The following C10orf67 variants were observed in gnomAD, a reference collection of about 807,000 sequenced individuals.
C10orf67 encodes the protein uncharacterized protein C10orf67, mitochondrial.
In C10orf67, 60 loss-of-function variants were observed where a neutral mutation model predicts 35.6. The observed-to-expected ratio is 1.68, with a 90% CI of 1.37 to 2.09. The LOEUF (loss-of-function observed/expected upper bound fraction) is 2.09. C10orf67 is among the 30% of genes most tolerant of loss of function. C10orf67 has a pLI of 0.00. For missense variants in C10orf67, 474 were observed against 330.2 expected, an observed-to-expected ratio of 1.44 and a Z score of -3.38; for synonymous variants, 167 against 115.8, an observed-to-expected ratio of 1.44 and a Z score of -2.84.
At chr10:23,222,975 A>G (rs1461741749) in intron 15 of C10orf67, among the ~76,000 whole-genome samples, 1 of 152,108 alleles carries the variant, frequency 6.6e-6, no homozygotes, top group Non-Finnish European at 1.5e-5. Flanking sequence ...ATTAAGTTGG[A>G]AAAAAATAGG....
intron 13 of C10orf67, among the ~76,000 whole-genome samples, chr10:23,236,020 G>A (rs1158501657): frequency 2.0e-5 from 3 of 151,900 alleles, no homozygotes; most frequent in Admixed American, 6.6e-5. Context: ...AGGCCGAGGC[G>A]GGCGGATCAC....
intron 12 of C10orf67, among the ~76,000 whole-genome samples, chr10:23,241,990 G>A (rs1842193271): frequency 6.6e-6 from 1 of 150,854 alleles, no homozygotes; most frequent in African/African-American, 2.4e-5. Flanking sequence ...TACTCATTTT[G>A]AGATGGAGTC....
intron 5 of C10orf67, among the ~76,000 whole-genome samples, chr10:23,295,932 A>G (rs1843867475): frequency 6.6e-6 from 1 of 152,240 alleles, no homozygotes; most frequent in African/African-American, 2.4e-5. Context: ...CTAATAGATT[A>G]ACAAAGTAAA....
intron 15 of C10orf67, among the ~76,000 whole-genome samples, chr10:23,219,673 T>C (rs1841525046): frequency 6.6e-6 from 1 of 152,228 alleles, no homozygotes; most frequent in African/African-American, 2.4e-5. Flanking sequence ...ACTTTCTTGT[T>C]CTGTTTAGAA....
At chr10:23,296,154 T>C (rs1843873575) in intron 5 of C10orf67, among the ~76,000 whole-genome samples, 1 of 152,150 alleles carries the variant, frequency 6.6e-6, no homozygotes, top group South Asian at 2.1e-4. Context: ...TTTTCCTGTA[T>C]GCATGTGTCG....
intron 5 of C10orf67, among the ~76,000 whole-genome samples, chr10:23,300,276 C>T (rs901769137): frequency 6.6e-6 from 1 of 152,150 alleles, no homozygotes; most frequent in African/African-American, 2.4e-5. Context: ...TTATAGACCG[C>T]ACTGGAAGCA....
rs201986532 is a variant in C10orf67 at position 23,344,572 on chromosome 10, G to T, written c.203C>A (p.Thr68Lys). 1.4e-5 allele frequency: 22 copies of T among 1,574,038 alleles called. No homozygotes were observed. Among genetic ancestry groups the T allele is most frequent in the Non-Finnish European group, 1.9e-5 (22 of 1,160,718 alleles). Residue 68 changes from threonine (T) to lysine (K), a missense_variant, in exon 1 of 16, where the codon ACG becomes AAG. Coordinates refer to ENST00000636213, the MANE Select transcript of C10orf67 (RefSeq NM_001371909.1). Reference sequence around the variant, plus strand: ...CCAGGCGCGGAGCTCAGCCTACCTCGTGGACCCGCGCATTTGCGGGGGCTT... The same window carrying T: ...CCAGGCGCGGAGCTCAGCCTACCTCTTGGACCCGCGCATTTGCGGGGGCTT... ...EFKPPQMRGS[T>K]RLNISDDLKI...
intron 7 of C10orf67, 26 bp downstream of exon 7, chr10:23,289,874 T>C (rs1270505092): frequency 5.6e-6 from 4 of 714,384 alleles, no homozygotes; most frequent in East Asian, 2.7e-5. Flanking sequence ...AAAAGAGTCA[T>C]TTATCAACGT....
intron 8 of C10orf67, among the ~76,000 whole-genome samples, chr10:23,268,200 C>G (rs1842931621): frequency 6.6e-6 from 1 of 152,096 alleles, no homozygotes. Flanking sequence ...GTAGCTGAAG[C>G]AGGAGAATCG....
intron 10 of C10orf67, among the ~76,000 whole-genome samples, chr10:23,260,787 A>T (rs1288288833): frequency 6.6e-6 from 1 of 152,226 alleles, no homozygotes; most frequent in Non-Finnish European, 1.5e-5. Flanking sequence ...TGGATGCTTC[A>T]GTCTGAAATC....
intron 7 of C10orf67, among the ~76,000 whole-genome samples, chr10:23,288,441 G>A (rs1843610921): frequency 6.6e-6 from 1 of 152,116 alleles, no homozygotes; most frequent in Non-Finnish European, 1.5e-5. Flanking sequence ...GACACAGATT[G>A]GGGAACAACA....
At chr10:23,215,411 A>G (rs1356110442) in intron 15 of C10orf67, among the ~76,000 whole-genome samples, 1 of 151,710 alleles carries the variant, frequency 6.6e-6, no homozygotes, top group East Asian at 1.9e-4. Context: ...CTCCTGCCTC[A>G]GCCTCCTGAG....
At position 23,291,137 on chromosome 10, in the gene C10orf67, C is replaced by G. The variant is rs1454411024; in HGVS notation, c.845G>C (p.Gly282Ala). The G allele has an allele frequency of 1.4e-5, 10 of 707,166 alleles. No homozygotes were observed. Among genetic ancestry groups the G allele is most frequent in the Non-Finnish European group, 2.6e-5 (10 of 382,030 alleles). 43.8% of individuals were successfully genotyped at this position (707,166 alleles called of 1,614,324 possible). A position where few individuals can be genotyped will look rare whatever the true frequency, so the allele number is the denominator to read the frequency against. ...AAGTGATTTCAAAATGTTACCTAAT[C>G]CTGAATTTTCTTTTAGATTGATCTG... is the stretch of plus-strand genomic sequence containing the variant. ...EIQINLKENS[G>A]LEDELISMKE... is the part of the protein sequence containing the mutation. Residue 282 changes from glycine (G) to alanine (A), a missense_variant, in exon 6 of 16, where the codon GGA (glycine) becomes GCA (alanine). By Grantham distance (60) the Gly-to-Ala change is moderately conservative. Transcript: ENST00000636213.
At chr10:23,258,815 G>A (rs143509645) in intron 10 of C10orf67, among the ~76,000 whole-genome samples, 1 of 152,302 alleles carries the variant, frequency 6.6e-6, no homozygotes, top group East Asian at 1.9e-4. Flanking sequence ...GAATAGCAAT[G>A]TTCATTGTCT....
chr10:23,272,871 G>A (rs770794748), intron 8 of C10orf67, among the ~76,000 whole-genome samples: 9 of 152,080 alleles, frequency 5.9e-5, no homozygotes, highest in African/African-American at 2.2e-4. Context: ...TATTTCAGCA[G>A]TATTTTATAT....
intron 5 of C10orf67, among the ~76,000 whole-genome samples, chr10:23,296,690 C>T (rs1316550606): frequency 6.6e-6 from 1 of 152,184 alleles, no homozygotes; most frequent in African/African-American, 2.4e-5. Flanking sequence ...GGCTAGCAGG[C>T]TGGTCCAGGG....
rs369759337 is a variant in C10orf67 at position 23,338,201 on chromosome 10, ACT to A, written c.207-5021_207-5020del. Among the ~76,000 whole-genome samples, 48 of 152,142 alleles carry A rather than the reference ACT, an allele frequency of 3.2e-4. No individual in the cohort carries two copies. The East Asian group carries it at 3.9e-3, about 12-fold the overall frequency. Reference sequence around the variant, plus strand: ...GTTAAATAATTAGGCAAAATGACACACTCTGTGGATATCGTTCAGTTTCCTTT... The same window carrying A: ...GTTAAATAATTAGGCAAAATGACACACTGTGGATATCGTTCAGTTTCCTTT... On this transcript the variant is annotated intron_variant, in intron 1 of 15. Transcript: ENST00000636213.
At chr10:23,344,484 C>A (rs1846058845) in intron 1 of C10orf67, 85 bp downstream of exon 1, 1 of 1,271,108 alleles carries the variant, frequency 7.9e-7, no homozygotes, top group South Asian at 1.3e-5. Context: ...GAAAGCTGCA[C>A]CCCCGTAAAT....
intron 10 of C10orf67, among the ~76,000 whole-genome samples, chr10:23,256,653 T>C (rs545601932): frequency 2.6e-4 from 40 of 151,942 alleles, no homozygotes; most frequent in African/African-American, 8.7e-4. Flanking sequence ...GGGACACATG[T>C]TAAAAGTGGA....
Sources: allele counts gnomAD v4.1 joint callset (sites outside exome capture counted in the v4.1 genomes callset), GRCh38; gene constraint gnomAD v4.1.1; transcripts MANE v1.5; gene names NCBI Gene and HGNC (gene_info 2026-07-23, HGNC 2026-07-21).